MSH3: variants seen among roughly 807,000 people sequenced by gnomAD.
The protein encoded by MSH3 is DNA mismatch repair protein Msh3.
Under a neutral mutation model 123.3 loss-of-function variants are expected in MSH3, and 106 were observed. The observed-to-expected ratio is 0.86, with a 90% CI of 0.73 to 1.01. The LOEUF (loss-of-function observed/expected upper bound fraction) is 1.01. Among genes scored for constraint, MSH3 ranks in the 50% least tolerant of loss-of-function variants. The probability of loss-of-function intolerance (pLI) is 0.00; values close to 1 mark genes in which losing one functional copy is unlikely to be tolerated. For synonymous variants in MSH3, 515 were observed against 481.4 expected (o/e 1.07, Z -0.91); for missense variants, 1,459 against 1,347.6 (o/e 1.08, Z -1.29).
At chr5:80,779,052 C>A (rs1292860845) in intron 17 of MSH3, among the ~76,000 whole-genome samples, 2 of 149,156 alleles carry the variant, frequency 1.3e-5, no homozygotes, top group African/African-American at 5.0e-5. Flanking sequence ...AGTGCAGTGG[C>A]ACGATCTCGG....
intron 20 of MSH3, among the ~76,000 whole-genome samples, chr5:80,817,137 T>G (rs771020462): frequency 1.3e-5 from 2 of 152,084 alleles, no homozygotes; most frequent in Non-Finnish European, 2.9e-5. Flanking sequence ...AAGTTAAGGT[T>G]GAAAACCAAC....
Position 80,656,622 on chromosome 5 carries a change from C to CT in MSH3, c.358+97dup, listed in dbSNP as rs1156759186. The CT allele has an allele frequency of 5.1e-6, 8 of 1,565,384 alleles. No individual in the cohort carries two copies. In the African/African-American group the frequency reaches 1.1e-4, roughly 21 times the overall value. On this transcript the variant is annotated intron_variant, in intron 2 of 23. Coordinates refer to ENST00000265081, the MANE Select transcript of MSH3 (RefSeq NM_002439.5). Reference sequence around the variant, plus strand: ...GCAGAAGAGCGTATTAGAATTGTGTCTTTTTTCTTTGTGGAGAAAGGTCCC... The same window carrying CT: ...GCAGAAGAGCGTATTAGAATTGTGTCTTTTTTTCTTTGTGGAGAAAGGTCCC...
chr5:80,679,061 A>G lies in MSH3; in HGVS notation c.1308A>G (p.Thr436=), dbSNP rs752348101. Residue 436 remains threonine (T), a synonymous_variant, in exon 8 of 24, where the codon ACA becomes ACG. Coordinates refer to ENST00000265081, the MANE Select transcript of MSH3 (RefSeq NM_002439.5). The stretch of plus-strand genomic sequence containing the variant: ...TTCCTTCGGCCTTGTCCGAGCAAAC[A>G]GAGGCGCTCATCCACAGAGCCACAT... ...LLLPSALSEQ[T]EALIHRATSV... 4 of 1,613,914 alleles carry G rather than the reference A, an allele frequency of 2.5e-6. No homozygotes were observed. The highest frequency in any genetic ancestry group is 3.4e-6 in the Non-Finnish European group (4 of 1,179,974).
intron 20 of MSH3, among the ~76,000 whole-genome samples, chr5:80,842,834 A>G (rs1174232022): frequency 2.0e-5 from 3 of 152,140 alleles, no homozygotes; most frequent in Admixed American, 2.0e-4. Context: ...TAAATATGCA[A>G]TCATGTCATC....
In MSH3 at chr5:80,761,575, C is replaced by G. The variant is rs757559761; in HGVS notation, c.1793C>G (p.Ser598Trp). 2 of 1,613,958 alleles carry G rather than the reference C, an allele frequency of 1.2e-6. No individual in the cohort carries two copies. Among genetic ancestry groups the G allele is most frequent in the South Asian group, 2.2e-5 (2 of 91,076 alleles). The change falls in exon 13 of 24, where the codon TCG becomes TGG. Residue 598 changes from serine (S) to tryptophan (W), a missense_variant. Ser to Trp is a radical substitution (Grantham distance 177). Coordinates refer to ENST00000265081, the MANE Select transcript of MSH3 (RefSeq NM_002439.5). ...REINARLDAV[S>W]EVLHSESSVF... ...ATAAATGCCCGGCTTGATGCTGTAT[C>G]GGAAGTTCTCCATTCAGAATCTAGT...
chr5:80,744,387 A>G, intron 11 of MSH3, 119 bp from the exon 12 acceptor site: 1 of 703,668 alleles, frequency 1.4e-6, no homozygotes, highest in African/African-American at 1.8e-5. Context: ...TTAAATGAAC[A>G]CCTGTTATGA....
At chr5:80,657,793 T>C (rs1749324234) in intron 2 of MSH3, among the ~76,000 whole-genome samples, 1 of 152,106 alleles carries the variant, frequency 6.6e-6, no homozygotes, top group South Asian at 2.1e-4. Context: ...GGAATGGAGA[T>C]GTGTGGCTAA....
chr5:80,757,389 C>G (rs1038611661), intron 12 of MSH3, among the ~76,000 whole-genome samples: 1 of 152,042 alleles, frequency 6.6e-6, no homozygotes, highest in Non-Finnish European at 1.5e-5. Context: ...ACAGTAGCAA[C>G]CAGTAGGTAC....
In MSH3 at chr5:80,854,331, A is replaced by G. The variant is rs1480949325; in HGVS notation, c.3000+15A>G. On this transcript the variant is annotated intron_variant, in intron 21 of 23. Coordinates refer to ENST00000265081, the MANE Select transcript of MSH3 (RefSeq NM_002439.5). ...TCATCAGAGATGTAAGTATCCGGTAAACTGTATTTAAAAAGAAATTAATTT... is the reference window on the plus strand; with the variant it reads ...TCATCAGAGATGTAAGTATCCGGTAGACTGTATTTAAAAAGAAATTAATTT... 2 of 1,605,954 alleles carry G rather than the reference A, an allele frequency of 1.2e-6. No individual in the cohort carries two copies. Among genetic ancestry groups the G allele is most frequent in the East Asian group, 4.5e-5 (2 of 44,790 alleles).
chr5:80,712,625 A>C (rs933558322), intron 8 of MSH3, among the ~76,000 whole-genome samples: 8 of 152,046 alleles, frequency 5.3e-5, no homozygotes, highest in African/African-American at 1.9e-4. Flanking sequence ...ATCCAATCTG[A>C]ATTTAATTTT....
In MSH3 at chr5:80,818,402, C is replaced by CAAAAAAAAAAAAAAAAAAAAAAA. The variant is rs71603566; in HGVS notation, c.2813+4681_2813+4682insAAAAAAAAAAAAAAAAAAAAAAA. On this transcript the variant is annotated intron_variant, in intron 20 of 23. Coordinates refer to ENST00000265081, the MANE Select transcript of MSH3 (RefSeq NM_002439.5). ...TTTTTTAACAAATAAATAGCAATGA[C>CAAAAAAAAAAAAAAAAAAAAAAA]AAAAAAAAAAAAAAAAAAAAGGTGG... 6.3e-5 allele frequency among the ~76,000 whole-genome samples: 4 copies of CAAAAAAAAAAAAAAAAAAAAAAA among 63,822 alleles called. 1 individual carries two copies. The highest frequency in any genetic ancestry group is 1.1e-4 in the Non-Finnish European group (4 of 36,632). The allele number at this position is 63,822 out of a possible 152,430, so 41.9% of individuals were successfully genotyped here.
intron 8 of MSH3, among the ~76,000 whole-genome samples, chr5:80,687,395 A>T (rs1750117595): frequency 6.6e-6 from 1 of 152,260 alleles, no homozygotes; most frequent in African/African-American, 2.4e-5. Flanking sequence ...AATAATATTT[A>T]CTAGTTCTCA....
At chr5:80,849,972 A>G (rs1172927512) in intron 20 of MSH3, among the ~76,000 whole-genome samples, 3 of 152,146 alleles carry the variant, frequency 2.0e-5, no homozygotes, top group African/African-American at 7.2e-5. Context: ...GAGTGCCTTT[A>G]ACAGCACCCA....
chr5:80,822,587 T>C (rs1039836809), intron 20 of MSH3, among the ~76,000 whole-genome samples: 4 of 152,250 alleles, frequency 2.6e-5, no homozygotes, highest in African/African-American at 7.2e-5. Context: ...CAAGGTTGAT[T>C]TGAGAATAAG....
chr5:80,874,842 C>T (rs1746278558), intron 23 of MSH3, among the ~76,000 whole-genome samples: 1 of 152,116 alleles, frequency 6.6e-6, no homozygotes, highest in Non-Finnish European at 1.5e-5. Context: ...ACATTTTGAA[C>T]TCTATGAAGT....
intron 21 of MSH3, among the ~76,000 whole-genome samples, chr5:80,854,862 C>T (rs1056885333): frequency 1.3e-5 from 2 of 152,108 alleles, no homozygotes; most frequent in African/African-American, 4.8e-5. Context: ...CTTGGTGAAC[C>T]CTAAATCAAG....
At chr5:80,684,011 T>C (rs1750029063) in intron 8 of MSH3, among the ~76,000 whole-genome samples, 1 of 152,194 alleles carries the variant, frequency 6.6e-6, no homozygotes, top group Admixed American at 6.5e-5. Context: ...TGGATTTATT[T>C]CTGGGTTTTC....
chr5:80,772,016 A>G (rs1332637761), intron 15 of MSH3, among the ~76,000 whole-genome samples: 1 of 152,160 alleles, frequency 6.6e-6, no homozygotes, highest in Non-Finnish European at 1.5e-5. Context: ...GTATGTATGT[A>G]ATGAAAGCAG....
At chr5:80,739,107 C>T (rs1337760841) in intron 10 of MSH3, among the ~76,000 whole-genome samples, 2 of 152,190 alleles carry the variant, frequency 1.3e-5, no homozygotes, top group Admixed American at 6.5e-5. Context: ...AGCTAAGCAC[C>T]GTTCTAGAGT....
Sources: gnomAD v4.1 joint callset for allele counts (sites outside exome capture counted in the v4.1 genomes callset) on GRCh38, gnomAD v4.1.1 for gene constraint, MANE v1.5 for transcripts, NCBI Gene and HGNC (gene_info 2026-07-23, HGNC 2026-07-21) for gene names.